The following GASK1A variants were observed in gnomAD, a reference collection of about 807,000 sequenced individuals.
GASK1A encodes golgi associated kinase 1A, also known as Golgi-associated kinase 1A.
GASK1A carries 40 observed loss-of-function variants against 41.2 expected under a neutral mutation model. The ratio of observed to expected loss-of-function variants is 0.97; its 90% CI spans 0.75 to 1.27. The LOEUF (loss-of-function observed/expected upper bound fraction) is 1.27. Ranked by LOEUF, GASK1A falls within the 50% of genes most tolerant of loss-of-function variation. The pLI, the probability that GASK1A is intolerant of heterozygous loss-of-function variation, is 0.00. For missense variants in GASK1A, 678 were observed against 745.1 expected, an observed-to-expected ratio of 0.91 and a Z score of 1.05; for synonymous variants, 316 against 307.1, an observed-to-expected ratio of 1.03 and a Z score of -0.30.
intron 1 of GASK1A, among the ~76,000 whole-genome samples, chr3:43,016,350 G>A (rs561811214): frequency 1.3e-5 from 2 of 151,992 alleles, no homozygotes; most frequent in East Asian, 3.9e-4. Context: ...TGAAGCCACA[G>A]GCAGAGGCAG....
intron 1 of GASK1A, among the ~76,000 whole-genome samples, chr3:42,997,800 A>G (rs188990806): frequency 1.4e-4 from 21 of 152,326 alleles, no homozygotes; most frequent in Admixed American, 1.3e-3. Context: ...CAGTGCAAAC[A>G]GTTTATCTGG....
chr3:43,055,935 T>C (rs2089713797), intron 4 of GASK1A: 1 of 519,518 alleles, frequency 1.9e-6, no homozygotes, highest in Non-Finnish European at 3.5e-6. Context: ...TTTATTCACC[T>C]GGCTTCTCTG....
chr3:43,028,332 C>T (rs2089555688), intron 1 of GASK1A, among the ~76,000 whole-genome samples: 1 of 152,198 alleles, frequency 6.6e-6, no homozygotes, highest in African/African-American at 2.4e-5. Context: ...CCATCATGGC[C>T]TGAACCAGTT....
At chr3:42,983,569 TC>T (rs551412754) in intron 1 of GASK1A, among the ~76,000 whole-genome samples, 1 of 152,278 alleles carries the variant, frequency 6.6e-6, no homozygotes, top group South Asian at 2.1e-4. Context: ...AGAATGTAGC[TC>T]CCCAAACAGC....
chr3:43,032,728 G>A lies in GASK1A; in HGVS notation c.465G>A (p.Gln155=). Residue 155 remains glutamine, a synonymous_variant, in exon 2 of 5, where the codon CAG becomes CAA. Transcript: ENST00000430121. ...DPGTKDLGHP[Q]HGSPIQETQS... ...GAACCAAAGACCTGGGCCACCCCCAGCATGGCAGTCCCATCCAGGAGACAC... is the reference window on the plus strand; with the variant it reads ...GAACCAAAGACCTGGGCCACCCCCAACATGGCAGTCCCATCCAGGAGACAC... 13 of 1,551,514 alleles carry A rather than the reference G, an allele frequency of 8.4e-6. No individual in the cohort carries two copies. Among genetic ancestry groups the A allele is most frequent in the Non-Finnish European group, 1.1e-5 (13 of 1,146,994 alleles).
chr3:43,046,128 AAACAGGCAGATGTTGG>A (rs1343429628), intron 2 of GASK1A, among the ~76,000 whole-genome samples: 7 of 152,206 alleles, frequency 4.6e-5, no homozygotes, highest in African/African-American at 1.7e-4. Flanking sequence ...TGGAACTGGG[AAACAGGCAGATGTTGG>A]AACAGGCAGA....
chr3:43,055,990 A>G, intron 4 of GASK1A, 186 bp from the exon 5 acceptor site: 1 of 588,618 alleles, frequency 1.7e-6, no homozygotes, highest in Non-Finnish European at 3.0e-6. Context: ...CCTTCACAGC[A>G]AAGCCAGGCA....
intron 1 of GASK1A, among the ~76,000 whole-genome samples, chr3:43,011,665 C>T (rs2089464058): frequency 6.6e-6 from 1 of 151,636 alleles, no homozygotes; most frequent in Non-Finnish European, 1.5e-5. Context: ...TGGAAGATGT[C>T]ATAAGAAGAA....
In GASK1A at chr3:43,032,317, G is replaced by A. The variant is rs766162815; in HGVS notation, c.54G>A (p.Ala18=). ...KLRGKRRPVI[A]FCLLMILSAM... Reference sequence around the variant, plus strand: ...GTGGCAAGAGGCGGCCAGTGATAGCGTTCTGCCTCTTGATGATCCTATCTG... The same window carrying A: ...GTGGCAAGAGGCGGCCAGTGATAGCATTCTGCCTCTTGATGATCCTATCTG... Residue 18 remains alanine, a synonymous_variant, in exon 2 of 5, where the codon GCG becomes GCA. Coordinates refer to ENST00000430121, the MANE Select transcript of GASK1A (RefSeq NM_001129908.3). The A allele has an allele frequency of 9.0e-6, 14 of 1,548,606 alleles. No homozygotes were observed. The highest frequency in any genetic ancestry group is 2.7e-5 in the African/African-American group (2 of 73,112).
intron 1 of GASK1A, among the ~76,000 whole-genome samples, chr3:42,986,481 T>C (rs1388722954): frequency 6.6e-6 from 1 of 152,100 alleles, no homozygotes; most frequent in Non-Finnish European, 1.5e-5. Context: ...AATTAAAATA[T>C]ATATATAACA....
chr3:42,979,994 G>C (rs888568169), intron 1 of GASK1A, among the ~76,000 whole-genome samples: 1 of 152,186 alleles, frequency 6.6e-6, no homozygotes, highest in Admixed American at 6.5e-5. Context: ...GGCAGCCTCT[G>C]ATGAGATGCT....
intron 2 of GASK1A, among the ~76,000 whole-genome samples, chr3:43,048,394 A>G (rs1464141239): frequency 1.3e-5 from 2 of 152,216 alleles, no homozygotes. Flanking sequence ...AGGGGTTTCT[A>G]TCTAGGTTTG....
At chr3:43,035,567 C>G (rs976665878) in intron 2 of GASK1A, among the ~76,000 whole-genome samples, 4 of 152,198 alleles carry the variant, frequency 2.6e-5, no homozygotes, top group Admixed American at 2.0e-4. Flanking sequence ...TCTCTTCCCC[C>G]ACTCTACTTG....
intron 1 of GASK1A, among the ~76,000 whole-genome samples, chr3:42,988,605 G>A (rs1296870063): frequency 6.6e-6 from 1 of 152,250 alleles, no homozygotes; most frequent in Non-Finnish European, 1.5e-5. Context: ...GAACCTTCAC[G>A]TCTAGGCATG....
intron 1 of GASK1A, among the ~76,000 whole-genome samples, chr3:43,017,650 G>C (rs1164658248): frequency 6.6e-6 from 1 of 150,622 alleles, no homozygotes; most frequent in Non-Finnish European, 1.5e-5. Context: ...GCAGTGTGAA[G>C]TCACAGAAAA....
chr3:43,040,347 A>T (rs544087378), intron 2 of GASK1A, among the ~76,000 whole-genome samples: 38 of 152,104 alleles, frequency 2.5e-4, no homozygotes, highest in Non-Finnish European at 4.9e-4. Flanking sequence ...GGGTCTATTT[A>T]TATGCCAGAG....
Position 43,033,336 on chromosome 3 carries a change from A to G in GASK1A, c.1073A>G (p.Tyr358Cys). 6.4e-7 allele frequency: 1 copy of G among 1,551,140 alleles called. No homozygotes were observed. Among genetic ancestry groups the G allele is most frequent in the Non-Finnish European group, 8.7e-7 (1 of 1,146,742 alleles). ...CGCTTCCATAGCCCCCTCCTGCCCT[A>G]CCGATACACAGACGGTGGAGCAAGG... ...ARRFHSPLLP[Y>C]RYTDGGARPV... Residue 358 changes from tyrosine (Y) to cysteine (C), a missense_variant, in exon 2 of 5, where the codon TAC (tyrosine) becomes TGC (cysteine). Physicochemically the swap from Tyr to Cys is radical, Grantham distance 194 (BLOSUM62 -2). Coordinates refer to ENST00000430121, the MANE Select transcript of GASK1A (RefSeq NM_001129908.3).
chr3:43,037,396 G>A, intron 2 of GASK1A: 2 of 964,140 alleles, frequency 2.1e-6, no homozygotes, highest in Non-Finnish European at 3.3e-6. Flanking sequence ...AGTACAGACA[G>A]CCCTTGCCAC....
At chr3:43,034,775 A>G (rs1049448369) in intron 2 of GASK1A, among the ~76,000 whole-genome samples, 2 of 152,228 alleles carry the variant, frequency 1.3e-5, no homozygotes, top group Non-Finnish European at 2.9e-5. Context: ...TGGATGGTTT[A>G]GTAATACTGG....
Sources: gnomAD v4.1 joint callset for allele counts (sites outside exome capture counted in the v4.1 genomes callset) on GRCh38, gnomAD v4.1.1 for gene constraint, MANE v1.5 for transcripts, NCBI Gene and HGNC (gene_info 2026-07-23, HGNC 2026-07-21) for gene names.